PCDH15: variants seen among roughly 807,000 people sequenced by gnomAD.
The protein encoded by PCDH15 is protocadherin-15.
Under a neutral mutation model 178.5 loss-of-function variants are expected in PCDH15, and 129 were observed. The ratio of observed to expected loss-of-function variants is 0.72; its 90% CI spans 0.63 to 0.84. The LOEUF (loss-of-function observed/expected upper bound fraction) is 0.84. Ranked by LOEUF, PCDH15 falls within the 40% of genes least tolerant of loss-of-function variation. The pLI is 0.00. For missense variants in PCDH15, 2,230 were observed against 2,099.9 expected (o/e 1.06, Z -1.21); for synonymous variants, 800 against 732.0 (o/e 1.09, Z -1.50).
chr10:54,510,582 G>A (rs2081564581), intron 3 of PCDH15, among the ~76,000 whole-genome samples: 1 of 152,128 alleles, frequency 6.6e-6, no homozygotes, highest in Non-Finnish European at 1.5e-5. Flanking sequence ...GACTAACACA[G>A]GAAGAACTAC....
chr10:55,590,146 A>T (rs187636276), intron 2 of PCDH15, among the ~76,000 whole-genome samples: 3 of 151,752 alleles, frequency 2.0e-5, no homozygotes, highest in African/African-American at 7.3e-5. Flanking sequence ...AAAAAGGATG[A>T]GTTCATGTCC....
rs763946924 is a variant in PCDH15 at position 53,866,835 on chromosome 10, T to C, written c.3524A>G (p.Asn1175Ser). 6.2e-6 allele frequency: 10 copies of C among 1,611,878 alleles called. No individual in the cohort carries two copies. The African/African-American group carries it at 6.7e-5, about 11-fold the overall frequency. ...GAGTCTGTAGGCCATGACACTATAATTGCCAGTATCTTTATCAGTAGCCTA... is the reference window on the plus strand; with the variant it reads ...GAGTCTGTAGGCCATGACACTATAACTGCCAGTATCTTTATCAGTAGCCTA... ...RVKATDKDTG[N>S]YSVMAYRLII... The change falls in exon 27 of 38, where the codon AAT (asparagine) becomes AGT (serine). Residue 1175 changes from asparagine (N) to serine (S), a missense_variant. Coordinates refer to ENST00000644397, the MANE Select transcript of PCDH15 (RefSeq NM_001384140.1).
intron 2 of PCDH15, among the ~76,000 whole-genome samples, chr10:54,908,554 C>T (rs892437862): frequency 4.6e-5 from 7 of 152,134 alleles, no homozygotes; most frequent in Admixed American, 1.3e-4. Context: ...GGCAAGTTTC[C>T]GCCCATATCG....
At chr10:54,499,412 A>G (rs1282974838) in intron 3 of PCDH15, among the ~76,000 whole-genome samples, 1 of 152,132 alleles carries the variant, frequency 6.6e-6, no homozygotes, top group Non-Finnish European at 1.5e-5. Flanking sequence ...GATCAACCAC[A>G]TGCTCAGCTA....
chr10:55,369,846 T>A (rs1189769966), intron 2 of PCDH15, among the ~76,000 whole-genome samples: 1 of 151,950 alleles, frequency 6.6e-6, no homozygotes, highest in Admixed American at 6.6e-5. Context: ...AATACTTCCA[T>A]TAGGAAAACA....
intron 2 of PCDH15, among the ~76,000 whole-genome samples, chr10:55,443,604 G>A (rs1017137857): frequency 7.2e-5 from 11 of 152,116 alleles, no homozygotes; most frequent in African/African-American, 2.7e-4. Flanking sequence ...GCTCCATTTA[G>A]AATGGTGATC....
chr10:54,614,842 A>G (rs2093078765), intron 2 of PCDH15, among the ~76,000 whole-genome samples: 1 of 152,094 alleles, frequency 6.6e-6, no homozygotes, highest in Non-Finnish European at 1.5e-5. Flanking sequence ...CTCTTCCTTG[A>G]ATCTATATTT....
intron 2 of PCDH15, among the ~76,000 whole-genome samples, chr10:55,026,994 A>G (rs757270681): frequency 6.6e-6 from 1 of 151,896 alleles, no homozygotes; most frequent in Non-Finnish European, 1.5e-5. Flanking sequence ...GCCAAAGATA[A>G]ATTATTGAGG....
rs1471124735 is a variant in PCDH15 at position 53,933,636 on chromosome 10, G to A, written c.3373+5179C>T. Among the ~76,000 whole-genome samples, 5 of 152,256 alleles carry A rather than the reference G, an allele frequency of 3.3e-5. No homozygotes were observed. The East Asian group carries it at 7.7e-4, about 23-fold the overall frequency. On this transcript the variant is annotated intron_variant, in intron 25 of 37. Transcript: ENST00000644397. ...GTGAATAATGCCACAATAAACATAT[G>A]TGTGCATGTGTCTTTATAGCAGCAT...
Position 53,822,829 on chromosome 10 carries a change from AATTTGCCTCTTCAGTTGTAAGC to A in PCDH15, c.4368-2621_4368-2600del, listed in dbSNP as rs1240582095. 6 of 1,613,888 alleles carry A rather than the reference AATTTGCCTCTTCAGTTGTAAGC, an allele frequency of 3.7e-6. No individual in the cohort carries two copies. Among genetic ancestry groups the A allele is most frequent in the Non-Finnish European group, 5.1e-6 (6 of 1,179,966 alleles). ...TGCCTTATTTCCTCTTTCTCTGTCA[AATTTGCCTCTTCAGTTGTAAGC>A]AATGGATTGCTGCTACCTCTTTTGT... On this transcript the variant is annotated intron_variant, in intron 32 of 37. Transcript: ENST00000644397.
chr10:54,007,131 G>A (rs897314904), intron 20 of PCDH15, among the ~76,000 whole-genome samples: 1 of 152,096 alleles, frequency 6.6e-6, no homozygotes, highest in African/African-American at 2.4e-5. Context: ...GTTTGCTGTA[G>A]AACAGCCCTT....
chr10:55,377,992 G>T (rs1389775237), intron 2 of PCDH15, among the ~76,000 whole-genome samples: 1 of 152,112 alleles, frequency 6.6e-6, no homozygotes, highest in East Asian at 1.9e-4. Flanking sequence ...TCACTCATAA[G>T]TGGGAGTTGA....
chr10:54,384,237 T>C (rs1437234470), intron 3 of PCDH15, among the ~76,000 whole-genome samples: 1 of 152,028 alleles, frequency 6.6e-6, no homozygotes, highest in Non-Finnish European at 1.5e-5. Context: ...TGTGTCTCCA[T>C]TAGAATCAAT....
intron 2 of PCDH15, among the ~76,000 whole-genome samples, chr10:55,004,700 T>C (rs1014548991): frequency 7.2e-5 from 11 of 152,216 alleles, no homozygotes; most frequent in Admixed American, 2.0e-4. Context: ...ACTGAACTCC[T>C]GTTTTCCTCA....
At chr10:54,690,499 G>A (rs552970428) in intron 1 of PCDH15, among the ~76,000 whole-genome samples, 6 of 151,986 alleles carry the variant, frequency 3.9e-5, no homozygotes, top group East Asian at 1.9e-4. Context: ...ATTTTTAGTA[G>A]AGATGGGGTT....
intron 8 of PCDH15, among the ~76,000 whole-genome samples, chr10:54,302,638 A>AT (rs1184765481): frequency 2.0e-5 from 3 of 152,130 alleles, no homozygotes; most frequent in Admixed American, 2.0e-4. Context: ...TCAGAAATAA[A>AT]TTTTTAGTTT....
intron 16 of PCDH15, 114 bp from the exon 17 acceptor site, chr10:54,079,538 C>T (rs1419624146): frequency 1.1e-6 from 1 of 933,382 alleles, no homozygotes; most frequent in East Asian, 2.4e-5. Context: ...TCAGTAATCA[C>T]AGCTTGAGTA....
intron 3 of PCDH15, among the ~76,000 whole-genome samples, chr10:54,425,699 T>C (rs1956192253): frequency 6.6e-6 from 1 of 152,172 alleles, no homozygotes; most frequent in Non-Finnish European, 1.5e-5. Flanking sequence ...TAAATATCAG[T>C]CTGGCATTGT....
chr10:54,108,814 T>C (rs551474151), intron 15 of PCDH15, among the ~76,000 whole-genome samples: 9 of 152,232 alleles, frequency 5.9e-5, no homozygotes, highest in African/African-American at 1.7e-4. Flanking sequence ...CACAGTAGGA[T>C]AGGACACTAG....
Sources: gnomAD v4.1 joint callset for allele counts (sites outside exome capture counted in the v4.1 genomes callset) on GRCh38, gnomAD v4.1.1 for gene constraint, MANE v1.5 for transcripts, NCBI Gene and HGNC (gene_info 2026-07-23, HGNC 2026-07-21) for gene names.